The following LDLRAD3 variants were observed in gnomAD, a reference collection of about 807,000 sequenced individuals.
LDLRAD3 encodes the protein low density lipoprotein receptor class A domain containing 3.
Under a neutral mutation model 29.4 loss-of-function variants are expected in LDLRAD3, and 20 were observed. The observed-to-expected ratio is 0.68, with a 90% confidence interval of 0.48 to 0.99. The LOEUF (loss-of-function observed/expected upper bound fraction) is 0.99. Ranked by LOEUF, LDLRAD3 falls within the 50% of genes least tolerant of loss-of-function variation. The pLI, the probability that LDLRAD3 is intolerant of heterozygous loss-of-function variation, is 0.00. For synonymous variants in LDLRAD3, 157 were observed against 192.7 expected (o/e 0.81, Z 1.53); for missense variants, 420 against 454.3 (o/e 0.92, Z 0.69).
rs766419149 is a variant in LDLRAD3 at position 36,229,189 on chromosome 11, C to T, written c.830C>T (p.Pro277Leu). ...RPAWYDLPPP[P>L]YSSDTESLNQ... ...GCGTGGTATGACCTTCCTCCACCGC[C>T]CTACTCTTCTGACACGGAATCTCTG... is the stretch of plus-strand genomic sequence containing the variant. Residue 277 changes from proline to leucine, a missense_variant, in exon 6 of 6, where the codon CCC becomes CTC. Transcript: ENST00000315571. 309 of 1,614,028 alleles carry T rather than the reference C, an allele frequency of 1.9e-4. No individual in the cohort carries two copies. The highest frequency in any genetic ancestry group is 2.6e-4 in the Non-Finnish European group (302 of 1,180,022).
chr11:36,170,815 T>G (rs991748370), intron 4 of LDLRAD3, among the ~76,000 whole-genome samples: 1 of 151,854 alleles, frequency 6.6e-6, no homozygotes, highest in Admixed American at 6.6e-5. Flanking sequence ...TTTTTTTTTT[T>G]TTTTTGAGAC....
chr11:36,133,951 C>G (rs1331585389), intron 4 of LDLRAD3, among the ~76,000 whole-genome samples: 1 of 151,004 alleles, frequency 6.6e-6, no homozygotes, highest in African/African-American at 2.4e-5. Context: ...GTTCCTTCTT[C>G]CCTCTTTCAG....
chr11:36,107,398 G>A (rs137892244), intron 4 of LDLRAD3, among the ~76,000 whole-genome samples: 1,683 of 152,086 alleles, frequency 0.011, 29 homozygotes, highest in African/African-American at 0.038. Context: ...GTTTCACCAC[G>A]TTGGCCAGGC....
intron 4 of LDLRAD3, among the ~76,000 whole-genome samples, chr11:36,195,455 T>C (rs1855018760): frequency 6.6e-6 from 1 of 152,246 alleles, no homozygotes; most frequent in Admixed American, 6.5e-5. Flanking sequence ...TGGCCATTTA[T>C]GTTGTTCCAA....
intron 4 of LDLRAD3, among the ~76,000 whole-genome samples, chr11:36,218,919 G>A (rs2133387336): frequency 6.6e-6 from 1 of 152,328 alleles, no homozygotes; most frequent in East Asian, 1.9e-4. Context: ...AGGTGTGGGA[G>A]CCAAGGAAAG....
rs1328550082 is a variant in LDLRAD3 at position 36,098,565 on chromosome 11, T to C, written c.454+104T>C. On this transcript the variant is annotated intron_variant, in intron 4 of 5. Transcript: ENST00000315571. ...ACACCCATTCCCATTCCAAACACAA[T>C]AGCTCTGTTAGTTTTTGCACTCAGC... 3.2e-4 allele frequency: 433 copies of C among 1,333,820 alleles called. 3 individuals carry two copies. The highest frequency in any genetic ancestry group is 5.2e-5 in the Non-Finnish European group (50 of 961,282). The allele number at this position is 1,333,820 out of a possible 1,614,324, so 82.6% of individuals were successfully genotyped here. A position where few individuals can be genotyped will look rare whatever the true frequency, so the allele number is the denominator to read the frequency against.
At chr11:36,023,114 A>G (rs1017724265) in intron 1 of LDLRAD3, among the ~76,000 whole-genome samples, 3 of 152,194 alleles carry the variant, frequency 2.0e-5, no homozygotes, top group African/African-American at 7.2e-5. Flanking sequence ...GAAAATTTAA[A>G]AAGACTCACT....
At chr11:36,175,073 T>G (rs1051856286) in intron 4 of LDLRAD3, among the ~76,000 whole-genome samples, 1 of 152,192 alleles carries the variant, frequency 6.6e-6, no homozygotes, top group Non-Finnish European at 1.5e-5. Context: ...AATACGAACA[T>G]TTTTACGCTG....
At chr11:36,088,024 TA>T (rs1055744404) in intron 3 of LDLRAD3, among the ~76,000 whole-genome samples, 21 of 147,578 alleles carry the variant, frequency 1.4e-4, no homozygotes, top group Middle Eastern at 3.5e-3. Flanking sequence ...CAGCCAAATT[TA>T]AAAAAAAAAG....
intron 4 of LDLRAD3, among the ~76,000 whole-genome samples, chr11:36,180,970 G>A (rs1189646347): frequency 6.6e-6 from 1 of 152,102 alleles, no homozygotes; most frequent in African/African-American, 2.4e-5. Context: ...ATGGGGCAGG[G>A]GCACACATTG....
intron 4 of LDLRAD3, among the ~76,000 whole-genome samples, chr11:36,185,067 A>G (rs1854826154): frequency 6.6e-6 from 1 of 152,156 alleles, no homozygotes; most frequent in Admixed American, 6.5e-5. Context: ...TTTCCCCAGT[A>G]GGGGAGATGG....
chr11:36,181,227 TG>T (rs1159108363), intron 4 of LDLRAD3, among the ~76,000 whole-genome samples: 1 of 60,014 alleles, frequency 1.7e-5, no homozygotes, highest in Non-Finnish European at 3.6e-5. Flanking sequence ...TACCTACACA[TG>T]GTAAAAAAAA....
chr11:36,069,073 A>C (rs1852848897), intron 2 of LDLRAD3, among the ~76,000 whole-genome samples: 1 of 152,180 alleles, frequency 6.6e-6, no homozygotes, highest in South Asian at 2.1e-4. Context: ...AATACATTGC[A>C]ATATCTGATC....
intron 1 of LDLRAD3, among the ~76,000 whole-genome samples, chr11:35,971,961 G>A (rs1407504583): frequency 6.6e-6 from 1 of 152,138 alleles, no homozygotes; most frequent in Non-Finnish European, 1.5e-5. Flanking sequence ...TCCATTCACT[G>A]GTTTATGGGA....
At chr11:36,060,308 T>TGC (rs1434131353) in intron 2 of LDLRAD3, among the ~76,000 whole-genome samples, 4 of 147,088 alleles carry the variant, frequency 2.7e-5, no homozygotes, top group Non-Finnish European at 4.4e-5. Context: ...GAGCTGAGAT[T>TGC]GCGCCACTGC....
intron 1 of LDLRAD3, among the ~76,000 whole-genome samples, chr11:36,019,356 G>C (rs552314195): frequency 6.6e-6 from 1 of 152,352 alleles, no homozygotes; most frequent in South Asian, 2.1e-4. Flanking sequence ...CTGGAGATGT[G>C]CTGGCACTCT....
At chr11:36,088,012 C>T (rs937247886) in intron 3 of LDLRAD3, among the ~76,000 whole-genome samples, 5 of 151,838 alleles carry the variant, frequency 3.3e-5, no homozygotes, top group African/African-American at 1.2e-4. Flanking sequence ...AGCCACTGCA[C>T]CCAGCCAAAT....
At chr11:36,123,960 C>T (rs777965150) in intron 4 of LDLRAD3, among the ~76,000 whole-genome samples, 5 of 152,256 alleles carry the variant, frequency 3.3e-5, no homozygotes, top group Non-Finnish European at 7.4e-5. Flanking sequence ...CGAGTGAAGC[C>T]GGCAGCTGGA....
chr11:36,102,089 C>T lies in LDLRAD3; in HGVS notation c.454+3628C>T, dbSNP rs1472118896. 1.2e-4 allele frequency: 23 copies of T among 189,968 alleles called. 1 individual carries two copies. Among genetic ancestry groups the T allele is most frequent in the South Asian group, 1.1e-3 (15 of 13,500 alleles). 11.8% of individuals were successfully genotyped at this position (189,968 alleles called of 1,614,324 possible). A position where few individuals can be genotyped will look rare whatever the true frequency, so the allele number is the denominator to read the frequency against. ...ATTTTTAGTAGCGACGGGGTTTCAC[C>T]GTCTTAGCCAGGATGGTCTTGATCT... On this transcript the variant is annotated intron_variant, in intron 4 of 5. Coordinates refer to ENST00000315571, the MANE Select transcript of LDLRAD3 (RefSeq NM_174902.4).
Sources: allele counts gnomAD v4.1 joint callset (sites outside exome capture counted in the v4.1 genomes callset), GRCh38; gene constraint gnomAD v4.1.1; transcripts MANE v1.5; gene names NCBI Gene and HGNC (gene_info 2026-07-23, HGNC 2026-07-21).